YIPF4: variants seen among roughly 807,000 people sequenced by gnomAD.
YIPF4 encodes the protein Yip1 domain family member 4.
A neutral mutation model predicts 29.4 loss-of-function variants in YIPF4; 18 were observed. That is an observed-to-expected ratio of 0.61 (90% CI 0.42 to 0.91). The LOEUF is 0.91. YIPF4 is among the 40% of genes least tolerant of loss of function. The pLI is 0.00. For missense variants in YIPF4, 279 were observed against 282.7 expected, an observed-to-expected ratio of 0.99 and a Z score of 0.09; for synonymous variants, 115 against 104.7, an observed-to-expected ratio of 1.10 and a Z score of -0.60.
At chr2:32,293,075 T>G (rs1161779074) in intron 3 of YIPF4, among the ~76,000 whole-genome samples, 1 of 151,098 alleles carries the variant, frequency 6.6e-6, no homozygotes, top group Non-Finnish European at 1.5e-5. Context: ...TATTTTTATT[T>G]ATTTATTTAT....
intron 1 of YIPF4, among the ~76,000 whole-genome samples, chr2:32,282,191 G>C (rs2030450013): frequency 6.6e-6 from 1 of 152,132 alleles, no homozygotes; most frequent in African/African-American, 2.4e-5. Context: ...AGCTACTCAG[G>C]AGGCTGAAGC....
At chr2:32,278,331 G>C in intron 1 of YIPF4, 97 bp downstream of exon 1, 1 of 1,253,920 alleles carries the variant, frequency 8.0e-7, no homozygotes, top group Non-Finnish European at 1.1e-6. Context: ...GCCGGGTGGG[G>C]ACAGGCAGGA....
At chr2:32,287,465 G>A (rs1012219746) in intron 1 of YIPF4, among the ~76,000 whole-genome samples, 1 of 152,046 alleles carries the variant, frequency 6.6e-6, no homozygotes, top group Admixed American at 6.6e-5. Context: ...GCTTCTTTAC[G>A]TATATAAGAA....
chr2:32,285,488 C>T (rs2030623185), intron 1 of YIPF4, among the ~76,000 whole-genome samples: 1 of 152,028 alleles, frequency 6.6e-6, no homozygotes, highest in African/African-American at 2.4e-5. Flanking sequence ...ATACAGTGAT[C>T]AGTAAATTGT....
intron 1 of YIPF4, among the ~76,000 whole-genome samples, chr2:32,280,056 TG>T (rs1182641059): frequency 6.6e-6 from 1 of 151,280 alleles, no homozygotes; most frequent in Non-Finnish European, 1.5e-5. Context: ...CTGGTTTTTC[TG>T]GGTGGCTTAT....
chr2:32,292,894 G>C lies in YIPF4; in HGVS notation c.405+546G>C, dbSNP rs1381661502. Among the ~76,000 whole-genome samples, 3 of 147,968 alleles carry C rather than the reference G, an allele frequency of 2.0e-5. No individual in the cohort carries two copies. In the East Asian group the frequency reaches 5.9e-4, roughly 29 times the overall value. Reference sequence around the variant, plus strand: ...AAAAAAAAAAAAAAAGAAAATATTAGTATTTGTATGGCACACTGGGGTAAA... The same window carrying C: ...AAAAAAAAAAAAAAAGAAAATATTACTATTTGTATGGCACACTGGGGTAAA... On this transcript the variant is annotated intron_variant, in intron 3 of 5. Transcript: ENST00000238831.
chr2:32,292,478 C>A (rs2030959739), intron 3 of YIPF4, 130 bp downstream of exon 3: 3 of 737,848 alleles, frequency 4.1e-6, no homozygotes, highest in Non-Finnish European at 1.9e-6. Flanking sequence ...CTCACTTGTT[C>A]ATCCCTAAAA....
At chr2:32,294,627 C>T (rs542659253) in intron 3 of YIPF4, among the ~76,000 whole-genome samples, 199 of 152,016 alleles carry the variant, frequency 1.3e-3, no homozygotes, top group African/African-American at 4.6e-3. Flanking sequence ...AGACGATGGG[C>T]GGCCAGGCAG....
At chr2:32,295,933 C>G (rs758661785) in intron 3 of YIPF4, among the ~76,000 whole-genome samples, 2 of 152,124 alleles carry the variant, frequency 1.3e-5, no homozygotes, top group Admixed American at 1.3e-4. Flanking sequence ...ACAATTGTTA[C>G]TACATTTAGG....
In YIPF4 at chr2:32,307,231, TA is replaced by T; in HGVS notation, c.*1607del. On this transcript the variant is annotated 3_prime_UTR_variant, in exon 6 of 6. Coordinates refer to ENST00000238831, the MANE Select transcript of YIPF4 (RefSeq NM_032312.4). The stretch of plus-strand genomic sequence containing the variant: ...GTTACACTTAAGAAATTGCTGAGGT[TA>T]ATACTTTGTTATAATGGATTATAAT... 1.1e-6 allele frequency: 1 copy of T among 930,226 alleles called. No individual in the cohort carries two copies. Among genetic ancestry groups the T allele is most frequent in the Non-Finnish European group, 1.5e-6 (1 of 688,074 alleles). The allele number at this position is 930,226 out of a possible 1,614,324, so 57.6% of individuals were successfully genotyped here.
intron 1 of YIPF4, among the ~76,000 whole-genome samples, chr2:32,285,705 G>C (rs2030633924): frequency 6.8e-6 from 1 of 147,430 alleles, no homozygotes; most frequent in Non-Finnish European, 1.5e-5. Context: ...ACCCAGGCTA[G>C]AGTGCAGTGG....
chr2:32,304,590 G>A (rs2031514548), intron 5 of YIPF4, among the ~76,000 whole-genome samples: 1 of 152,126 alleles, frequency 6.6e-6, no homozygotes, highest in South Asian at 2.1e-4. Context: ...TGAGGAGTGT[G>A]ACTAGTATAT....
intron 3 of YIPF4, among the ~76,000 whole-genome samples, chr2:32,294,360 G>A (rs1484436136): frequency 6.6e-6 from 1 of 152,064 alleles, no homozygotes; most frequent in South Asian, 2.1e-4. Context: ...CAGGGCGGCT[G>A]GGCAGAGATG....
chr2:32,297,584 A>G (rs553608088), intron 3 of YIPF4, among the ~76,000 whole-genome samples: 5 of 152,272 alleles, frequency 3.3e-5, no homozygotes, highest in Admixed American at 2.0e-4. Flanking sequence ...CCTGGGCAAC[A>G]TAGTGAGACC....
chr2:32,311,561 G>A lies in YIPF4; in HGVS notation c.*5935G>A, dbSNP rs913188138. On this transcript the variant is annotated 3_prime_UTR_variant, in exon 6 of 6. Transcript: ENST00000238831. ...TCCATGCTATACTAATGCTGTTGCT[G>A]AGATAATTAAGTTAGATACTAATAT... 6.6e-6 allele frequency: 1 copy of A among 152,174 alleles called. No individual in the cohort carries two copies. The highest frequency in any genetic ancestry group is 6.5e-5 in the Admixed American group (1 of 15,274). 9.4% of individuals were successfully genotyped at this position (152,174 alleles called of 1,614,324 possible). A position where few individuals can be genotyped will look rare whatever the true frequency, so the allele number is the denominator to read the frequency against.
Position 32,288,926 on chromosome 2 carries a change from C to T in YIPF4, c.80-1557C>T, listed in dbSNP as rs1013956093. Among the ~76,000 whole-genome samples the T allele has an allele frequency of 3.3e-5, 5 of 152,194 alleles. No individual in the cohort carries two copies. In the South Asian group the frequency reaches 6.2e-4, roughly 19 times the overall value. On this transcript the variant is annotated intron_variant, in intron 1 of 5. Transcript: ENST00000238831. ...AGGTTGCGGTGAGCCGAGATGACAC[C>T]ACTGCACTCCAGCCTGACAACAGAG...
At chr2:32,296,060 T>C (rs1419561748) in intron 3 of YIPF4, among the ~76,000 whole-genome samples, 6 of 152,246 alleles carry the variant, frequency 3.9e-5, no homozygotes, top group African/African-American at 1.4e-4. Context: ...TATGTTAAAG[T>C]GTTGCAAAGA....
intron 5 of YIPF4, among the ~76,000 whole-genome samples, chr2:32,302,963 CACTT>C (rs890060149): frequency 2.6e-5 from 4 of 151,908 alleles, no homozygotes; most frequent in African/African-American, 9.7e-5. Context: ...CTGGTTCTGC[CACTT>C]ACTTGCTGTC....
At chr2:32,300,900 C>G (rs1169311303) in intron 4 of YIPF4, among the ~76,000 whole-genome samples, 4 of 152,228 alleles carry the variant, frequency 2.6e-5, no homozygotes, top group Non-Finnish European at 5.9e-5. Flanking sequence ...GAAGCCCTAT[C>G]ACAGAACTTG....
Sources: gnomAD v4.1 joint callset for allele counts (sites outside exome capture counted in the v4.1 genomes callset) on GRCh38, gnomAD v4.1.1 for gene constraint, MANE v1.5 for transcripts, NCBI Gene and HGNC (gene_info 2026-07-23, HGNC 2026-07-21) for gene names.